Variants in ZSCAN5A observed in about 807,000 individuals in gnomAD.
ZSCAN5A encodes zinc finger and SCAN domain containing 5A, also known as zinc finger and SCAN domain-containing protein 5A.
A neutral mutation model predicts 23.7 loss-of-function variants in ZSCAN5A; 12 were observed. The ratio of observed to expected loss-of-function variants is 0.51; its 90% CI spans 0.32 to 0.82. ZSCAN5A has a LOEUF of 0.82. Among genes scored for constraint, ZSCAN5A ranks in the 40% least tolerant of loss-of-function variants. The pLI is 0.03. For synonymous variants in ZSCAN5A, 257 were observed against 239.9 expected, an observed-to-expected ratio of 1.07 and a Z score of -0.66; for missense variants, 597 against 617.9, an observed-to-expected ratio of 0.97 and a Z score of 0.36.
chr19:56,230,242 T>C (rs888249853), intron 2 of ZSCAN5A, among the ~76,000 whole-genome samples: 1 of 152,248 alleles, frequency 6.6e-6, no homozygotes, highest in Middle Eastern at 3.4e-3. Context: ...CACGCCACCA[T>C]GCCCGGTGAA....
rs547096998 is a variant in ZSCAN5A at position 56,341,782 on chromosome 19, T to C, written c.-358+21453A>G. Reference sequence around the variant, plus strand: ...CAAAGGAAACATTTCCTTTAGACCTTTGAGAAAACACTGTTAGCATCAGGC... The same window carrying C: ...CAAAGGAAACATTTCCTTTAGACCTCTGAGAAAACACTGTTAGCATCAGGC... On this transcript the variant is annotated intron_variant, in intron 2 of 6. Transcript: ENST00000587340. 1.4e-4 allele frequency among the ~76,000 whole-genome samples: 21 copies of C among 148,764 alleles called. No homozygotes were observed. The South Asian group carries it at 4.5e-3, about 32-fold the overall frequency.
chr19:56,322,591 G>A (rs866772037), intron 2 of ZSCAN5A, among the ~76,000 whole-genome samples: 5 of 152,038 alleles, frequency 3.3e-5, no homozygotes, highest in African/African-American at 9.7e-5. Flanking sequence ...TCATGTAAAC[G>A]CGTTCCCTCC....
At chr19:56,347,050 G>C (rs1158501228) in intron 2 of ZSCAN5A, 1 of 152,242 alleles carries the variant, frequency 6.6e-6, no homozygotes, top group Non-Finnish European at 1.5e-5. Context: ...TTGTAACCGA[G>C]CAAGTTACAG....
intron 2 of ZSCAN5A, among the ~76,000 whole-genome samples, chr19:56,303,476 A>G (rs1359673002): frequency 1.3e-5 from 2 of 151,610 alleles, no homozygotes; most frequent in African/African-American, 4.9e-5. Flanking sequence ...TCAAAAAATT[A>G]AAGTAAATAG....
intron 2 of ZSCAN5A, among the ~76,000 whole-genome samples, chr19:56,328,393 C>A (rs1452093073): frequency 2.0e-5 from 3 of 151,864 alleles, no homozygotes; most frequent in South Asian, 2.1e-4. Context: ...TGCCTGTGAT[C>A]CCAGCACTTT....
intron 2 of ZSCAN5A, chr19:56,283,815 T>C (rs1481503654): frequency 6.6e-6 from 1 of 152,348 alleles, no homozygotes; most frequent in South Asian, 2.1e-4. Context: ...AAAGGGCTGG[T>C]GTGGGGTAAA....
Position 56,221,564 on chromosome 19 carries a change from G to A in ZSCAN5A, c.*11C>T, listed in dbSNP as rs202216893. ...CTTCTTGGTGCAGAAGGCATAGACC[G>A]GATTATGCAATCACTGAGAAGTAGC... On this transcript the variant is annotated 3_prime_UTR_variant, in exon 6 of 6. Coordinates refer to ENST00000683990, the MANE Select transcript of ZSCAN5A (RefSeq NM_001322064.3). 3.7e-5 allele frequency: 58 copies of A among 1,579,544 alleles called. No individual in the cohort carries two copies. Among genetic ancestry groups the A allele is most frequent in the Admixed American group, 7.5e-5 (4 of 53,584 alleles).
chr19:56,272,733 T>G (rs1600147196), intron 2 of ZSCAN5A: 1 of 280,490 alleles, frequency 3.6e-6, no homozygotes, highest in Non-Finnish European at 5.4e-6. Context: ...AGGGCAGGTG[T>G]GGGCAGTTAG....
intron 2 of ZSCAN5A, among the ~76,000 whole-genome samples, chr19:56,267,704 T>C (rs2037569893): frequency 6.6e-6 from 1 of 152,164 alleles, no homozygotes; most frequent in South Asian, 2.1e-4. Flanking sequence ...CAATTACTAG[T>C]GGTGTGATTC....
intron 2 of ZSCAN5A, among the ~76,000 whole-genome samples, chr19:56,337,075 C>T (rs2041545703): frequency 6.6e-6 from 1 of 152,228 alleles, no homozygotes; most frequent in Admixed American, 6.5e-5. Context: ...AGATCTCAAG[C>T]TGCATGCTGG....
At chr19:56,270,706 C>T (rs1048358652) in intron 2 of ZSCAN5A, among the ~76,000 whole-genome samples, 1 of 150,818 alleles carries the variant, frequency 6.6e-6, no homozygotes, top group African/African-American at 2.4e-5. Flanking sequence ...GAGTAATAAG[C>T]ACTAAAAGCT....
intron 2 of ZSCAN5A, chr19:56,304,931 T>G: frequency 3.0e-6 from 1 of 330,882 alleles, no homozygotes; most frequent in East Asian, 1.7e-4. Context: ...CACAGGTGGA[T>G]TTGGAAGCTG....
At position 56,223,838 on chromosome 19, in the gene ZSCAN5A, T is replaced by C; in HGVS notation, c.385-4A>G. On this transcript the variant is annotated splice_polypyrimidine_tract_variant and splice_region_variant and intron_variant, in intron 3 of 5. Coordinates refer to ENST00000683990, the MANE Select transcript of ZSCAN5A (RefSeq NM_001322064.3). ...TTCCGTGGAAGGTGACCACAGACTG[T>C]AGAGAGAAAAAAGACAATCAGACTC... 3.1e-6 allele frequency: 5 copies of C among 1,608,400 alleles called. No individual in the cohort carries two copies. Among genetic ancestry groups the C allele is most frequent in the Non-Finnish European group, 3.4e-6 (4 of 1,179,174 alleles).
chr19:56,223,055 T>C (rs1319452296), intron 4 of ZSCAN5A, among the ~76,000 whole-genome samples: 1 of 152,130 alleles, frequency 6.6e-6, no homozygotes, highest in Admixed American at 6.5e-5. Flanking sequence ...GGAGCATGAC[T>C]CTAGTCGAGG....
intron 5 of ZSCAN5A, 35 bp from the exon 6 acceptor site, chr19:56,222,361 A>G (rs768087935): frequency 1.1e-5 from 18 of 1,601,158 alleles, no homozygotes; most frequent in African/African-American, 2.7e-5. Flanking sequence ...CAGTTAATAA[A>G]GCGCATTTTC....
chr19:56,324,332 T>G (rs1021435199), intron 2 of ZSCAN5A, among the ~76,000 whole-genome samples: 2 of 152,230 alleles, frequency 1.3e-5, no homozygotes, highest in African/African-American at 4.8e-5. Flanking sequence ...TAATATTCCA[T>G]TGTGTATATG....
chr19:56,287,642 C>G (rs927973561), intron 2 of ZSCAN5A, among the ~76,000 whole-genome samples: 1 of 152,168 alleles, frequency 6.6e-6, no homozygotes, highest in African/African-American at 2.4e-5. Context: ...AATGTAGCCA[C>G]TGTCAGGTAT....
intron 2 of ZSCAN5A, chr19:56,246,909 C>T (rs2035952504): frequency 4.4e-6 from 7 of 1,607,030 alleles, no homozygotes; most frequent in Non-Finnish European, 6.0e-6. Context: ...ACGCCACCTC[C>T]ATTTCCCAAG....
intron 2 of ZSCAN5A, among the ~76,000 whole-genome samples, chr19:56,256,354 G>A (rs551972456): frequency 7.6e-4 from 115 of 151,962 alleles, no homozygotes; most frequent in Admixed American, 1.6e-3. Context: ...CACCACACCC[G>A]GCTAATCTTT....
Sources: gnomAD v4.1 joint callset for allele counts (sites outside exome capture counted in the v4.1 genomes callset) on GRCh38, gnomAD v4.1.1 for gene constraint, MANE v1.5 for transcripts, NCBI Gene and HGNC (gene_info 2026-07-23, HGNC 2026-07-21) for gene names.